TMC1: variants seen among roughly 807,000 people sequenced by gnomAD.
TMC1 encodes the protein transmembrane channel-like protein 1.
TMC1 carries 84 observed loss-of-function variants against 105.8 expected under a neutral mutation model. The observed-to-expected ratio is 0.79, with a 90% CI of 0.67 to 0.95. The LOEUF is 0.95. Among genes scored for constraint, TMC1 ranks in the 40% least tolerant of loss-of-function variants. TMC1 has a pLI of 0.00. For synonymous variants in TMC1, 315 were observed against 311.5 expected, an observed-to-expected ratio of 1.01 and a Z score of -0.12; for missense variants, 817 against 914.1, an observed-to-expected ratio of 0.89 and a Z score of 1.37.
At chr9:72,659,128 G>GTT (rs1387103758) in intron 5 of TMC1, among the ~76,000 whole-genome samples, 1 of 152,206 alleles carries the variant, frequency 6.6e-6, no homozygotes, top group African/African-American at 2.4e-5. Flanking sequence ...CCAAGCCTCA[G>GTT]TTCCTGGCAT....
intron 8 of TMC1, among the ~76,000 whole-genome samples, chr9:72,717,809 C>T (rs1015168891): frequency 1.3e-5 from 2 of 152,140 alleles, no homozygotes; most frequent in Admixed American, 6.5e-5. Flanking sequence ...CCCAGGTGTT[C>T]GTTGAACTTC....
chr9:72,738,617 C>T (rs781190566), intron 8 of TMC1, among the ~76,000 whole-genome samples: 4 of 152,032 alleles, frequency 2.6e-5, no homozygotes, highest in Non-Finnish European at 5.9e-5. Context: ...AGGGTTTCAC[C>T]ATGTTGGCCA....
intron 1 of TMC1, among the ~76,000 whole-genome samples, chr9:72,533,186 G>GGACACT (rs1284985304): frequency 2.0e-5 from 3 of 152,078 alleles, no homozygotes; most frequent in African/African-American, 7.2e-5. Context: ...TTTGCCTATG[G>GGACACT]GACACTGAGC....
chr9:72,733,242 G>A (rs1827243955), intron 8 of TMC1, among the ~76,000 whole-genome samples: 1 of 151,720 alleles, frequency 6.6e-6, no homozygotes, highest in Non-Finnish European at 1.5e-5. Flanking sequence ...CCAGGGGCCC[G>A]AGCTCTCTAC....
chr9:72,711,743 C>A (rs1417354995), intron 8 of TMC1, among the ~76,000 whole-genome samples: 1 of 152,152 alleles, frequency 6.6e-6, no homozygotes, highest in African/African-American at 2.4e-5. Context: ...ATAATAGTTT[C>A]TTTTCCTGTG....
intron 20 of TMC1, among the ~76,000 whole-genome samples, chr9:72,822,035 A>T (rs529405255): frequency 3.3e-4 from 50 of 152,280 alleles, no homozygotes; most frequent in Middle Eastern, 3.4e-3. Context: ...CAATTTAGAG[A>T]TACACATTTC....
At chr9:72,654,778 G>A (rs1235332060) in intron 5 of TMC1, among the ~76,000 whole-genome samples, 1 of 150,846 alleles carries the variant, frequency 6.6e-6, no homozygotes. Flanking sequence ...TCATGTATTT[G>A]CCATTTTTAT....
At chr9:72,631,973 A>G (rs758382206) in intron 4 of TMC1, among the ~76,000 whole-genome samples, 2 of 152,244 alleles carry the variant, frequency 1.3e-5, no homozygotes, top group Non-Finnish European at 2.9e-5. Context: ...ATACAAAAGT[A>G]ATAAAATATC....
intron 10 of TMC1, among the ~76,000 whole-genome samples, chr9:72,743,712 T>TAGGA (rs144187332): frequency 0.022 from 3,300 of 151,428 alleles, 90 homozygotes; most frequent in African/African-American, 0.064. Context: ...AGAATATTCA[T>TAGGA]AGGAAGGAAG....
At chr9:72,536,602 G>T (rs1356161880) in intron 1 of TMC1, among the ~76,000 whole-genome samples, 1 of 152,174 alleles carries the variant, frequency 6.6e-6, no homozygotes, top group Non-Finnish European at 1.5e-5. Flanking sequence ...AAAGTGCTGG[G>T]ATTACAGACG....
chr9:72,710,929 C>T (rs1826824726), intron 8 of TMC1, among the ~76,000 whole-genome samples: 1 of 152,196 alleles, frequency 6.6e-6, no homozygotes, highest in South Asian at 2.1e-4. Context: ...TGCTGTCCCT[C>T]CCTTAGCTCC....
rs902701527 is a variant in TMC1, at chr9:72,806,758, G to C, written c.1695+1248G>C. Among the ~76,000 whole-genome samples, 51 of 151,130 alleles carry C rather than the reference G, an allele frequency of 3.4e-4. No homozygotes were observed. The East Asian group carries it at 3.8e-3, about 11-fold the overall frequency. ...TCCTAGGTGGGATGGCGGCCGGGCG[G>C]AGACGCTCCTCACTTTCCAGACTGG... On this transcript the variant is annotated intron_variant, in intron 18 of 23. Coordinates refer to ENST00000297784, the MANE Select transcript of TMC1 (RefSeq NM_138691.3).
At chr9:72,830,979 T>C (rs1829033715) in intron 23 of TMC1, among the ~76,000 whole-genome samples, 1 of 152,110 alleles carries the variant, frequency 6.6e-6, no homozygotes, top group South Asian at 2.1e-4. Flanking sequence ...AAATCCCCCA[T>C]ATAGTCGTCT....
At chr9:72,738,848 G>C (rs1466534315) in intron 8 of TMC1, among the ~76,000 whole-genome samples, 1 of 152,028 alleles carries the variant, frequency 6.6e-6, no homozygotes, top group Non-Finnish European at 1.5e-5. Flanking sequence ...TGCACTTGTG[G>C]AACCACAATC....
intron 3 of TMC1, among the ~76,000 whole-genome samples, chr9:72,623,757 G>A (rs914297796): frequency 2.0e-5 from 3 of 152,116 alleles, no homozygotes; most frequent in Non-Finnish European, 4.4e-5. Flanking sequence ...AGCTGGTGCC[G>A]TAACTGAGCC....
At chr9:72,676,205 A>G (rs1008405835) in intron 5 of TMC1, among the ~76,000 whole-genome samples, 22 of 152,204 alleles carry the variant, frequency 1.4e-4, no homozygotes, top group African/African-American at 4.8e-4. Context: ...ATACCAATTT[A>G]GGGTAATATT....
At chr9:72,725,889 A>G (rs1289058964) in intron 8 of TMC1, among the ~76,000 whole-genome samples, 2 of 152,034 alleles carry the variant, frequency 1.3e-5, no homozygotes, top group Admixed American at 6.6e-5. Context: ...ACAGGGTTTC[A>G]CTGTGTTAGC....
At chr9:72,780,889 G>T (rs1013619245) in intron 13 of TMC1, among the ~76,000 whole-genome samples, 1 of 152,132 alleles carries the variant, frequency 6.6e-6, no homozygotes, top group African/African-American at 2.4e-5. Flanking sequence ...GCACCTTACT[G>T]ACAGTATTAG....
intron 1 of TMC1, among the ~76,000 whole-genome samples, chr9:72,546,764 A>G (rs1328575809): frequency 3.3e-5 from 5 of 152,240 alleles, no homozygotes; most frequent in African/African-American, 1.2e-4. Flanking sequence ...TCACTCCAGG[A>G]AAAAAGTTAA....
Sources: gnomAD v4.1 joint callset for allele counts (sites outside exome capture counted in the v4.1 genomes callset) on GRCh38, gnomAD v4.1.1 for gene constraint, MANE v1.5 for transcripts, NCBI Gene and HGNC (gene_info 2026-07-23, HGNC 2026-07-21) for gene names.